Variants in FBF1 observed in about 807,000 individuals in gnomAD.
FBF1 encodes the protein Fas binding factor 1, also known as fas-binding factor 1.
A neutral mutation model predicts 147.2 loss-of-function variants in FBF1; 119 were observed. That is an observed-to-expected ratio of 0.81 (90% CI 0.70 to 0.94). The LOEUF is 0.94. FBF1 is among the 40% of genes least tolerant of loss of function. The pLI, the probability that FBF1 is intolerant of heterozygous loss-of-function variation, is 0.00. For missense variants in FBF1, 1,449 were observed against 1,500.8 expected (o/e 0.97, Z 0.57); for synonymous variants, 601 against 609.0 (o/e 0.99, Z 0.19).
chr17:75,922,939 G>A lies in FBF1; in HGVS notation c.1424+247C>T, dbSNP rs762657456. On this transcript the variant is annotated intron_variant, in intron 14 of 29. Coordinates refer to ENST00000636174, the MANE Select transcript of FBF1 (RefSeq NM_001319193.2). The surrounding 1 kb of genome is among the most constrained non-coding windows in gnomAD (Gnocchi z 5.0). ...TCAAGTTAGCACCTGTCCCCATGGCGGTCAGGGCATGAATGTCAACAGCCC... is the reference window on the plus strand; with the variant it reads ...TCAAGTTAGCACCTGTCCCCATGGCAGTCAGGGCATGAATGTCAACAGCCC... Among the ~76,000 whole-genome samples, 16 of 152,326 alleles carry A rather than the reference G, an allele frequency of 1.1e-4. No individual in the cohort carries two copies. Among genetic ancestry groups the A allele is most frequent in the East Asian group, 1.9e-4 (1 of 5,182 alleles).
rs749597595 is a variant in FBF1 at position 75,923,517 on chromosome 17, C to T, written c.1093G>A (p.Glu365Lys). Residue 365 changes from glutamate (E) to lysine (K), a missense_variant, in exon 14 of 30, where the codon GAG (glutamate) becomes AAG (lysine). Physicochemically the swap from Glu to Lys is moderately conservative, Grantham distance 56 (BLOSUM62 1). Coordinates refer to ENST00000636174, the MANE Select transcript of FBF1 (RefSeq NM_001319193.2). The surrounding 1 kb of genome is among the most constrained non-coding windows in gnomAD (Gnocchi z 4.1). ...GAGGCAGGGAACAGGTCCAAGTCCT[C>T]GTCCTTGAGGCCCAACCAGTCAGCT... ...GGADWLGLKD[E>K]DLDLFPASPT... 17 of 1,605,194 alleles carry T rather than the reference C, an allele frequency of 1.1e-5. No homozygotes were observed. In the East Asian group the frequency reaches 1.1e-4, roughly 11 times the overall value.
Position 75,917,849 on chromosome 17 carries a change from T to G in FBF1, c.2388A>C (p.Ala796=). Reference sequence around the variant, plus strand: ...GCTGCTGGCCCAGCCGCTCCTGCAGTGCTGGGGGCAACCCACAGGGTGCTC... The same window carrying G: ...GCTGCTGGCCCAGCCGCTCCTGCAGGGCTGGGGGCAACCCACAGGGTGCTC... ...GIRQRDEQLR[A]LQERLGQQQR... The change falls in exon 23 of 30, where the codon GCA becomes GCC. Residue 796 remains alanine, a splice_region_variant and synonymous_variant. Coordinates refer to ENST00000636174, the MANE Select transcript of FBF1 (RefSeq NM_001319193.2). The G allele has an allele frequency of 6.2e-7, 1 of 1,602,378 alleles. No individual in the cohort carries two copies. Among genetic ancestry groups the G allele is most frequent in the Non-Finnish European group, 8.5e-7 (1 of 1,175,970 alleles).
chr17:75,929,964 C>CAA, intron 7 of FBF1, 33 bp downstream of exon 7: 1 of 1,402,202 alleles, frequency 7.1e-7, no homozygotes, highest in Non-Finnish European at 9.9e-7. Context: ...CACCCACCCC[C>CAA]AGTTCTAAGA....
At position 75,910,658 on chromosome 17, in the gene FBF1, C is replaced by T. The variant is rs1189858191; in HGVS notation, c.*65G>A. ...TCCCCAGGCACTGCCTCCATGGAGG[C>T]AGCCGGAGGAACAGGACAGTTCTGG... is the stretch of plus-strand genomic sequence containing the variant. On this transcript the variant is annotated 3_prime_UTR_variant, in exon 30 of 30. Transcript: ENST00000636174. This position sits in a 1 kb window ranked among gnomAD's most constrained non-coding sequence, Gnocchi z 4.1. 9.7e-6 allele frequency: 14 copies of T among 1,441,790 alleles called. No homozygotes were observed. The highest frequency in any genetic ancestry group is 1.3e-5 in the Non-Finnish European group (14 of 1,048,420). 89.3% of individuals were successfully genotyped at this position (1,441,790 alleles called of 1,614,324 possible). A position where few individuals can be genotyped will look rare whatever the true frequency, so the allele number is the denominator to read the frequency against.
rs763953591 is a variant in FBF1, at chr17:75,923,425, G to A, written c.1185C>T (p.Ser395=). The change falls in exon 14 of 30, where the codon AGC becomes AGT. Residue 395 remains serine (S), a synonymous_variant. Transcript: ENST00000636174. The surrounding 1 kb of genome is among the most constrained non-coding windows in gnomAD (Gnocchi z 4.1). ...PVTPSVPPPA[S]QHSTPAGLPP... ...GCAGCCCAGCTGGCGTGGAGTGCTGGCTCGCAGGAGGAGGCACTGAGGGCG... is the reference window on the plus strand; with the variant it reads ...GCAGCCCAGCTGGCGTGGAGTGCTGACTCGCAGGAGGAGGCACTGAGGGCG... 6.2e-7 allele frequency: 1 copy of A among 1,608,144 alleles called. No homozygotes were observed. The highest frequency in any genetic ancestry group is 1.7e-5 in the Admixed American group (1 of 59,234).
chr17:75,928,306 G>T lies in FBF1; in HGVS notation c.280-113C>A. ...AGGTGTAGAATTGTGAGAAAACAAA[G>T]GAAAATGAGAAAACTGTTGAGAAAA... On this transcript the variant is annotated intron_variant, in intron 7 of 29. Transcript: ENST00000636174. This position sits in a 1 kb window ranked among gnomAD's most constrained non-coding sequence, Gnocchi z 4.2. 1 of 793,304 alleles carries T rather than the reference G, an allele frequency of 1.3e-6. No homozygotes were observed. 49.1% of individuals were successfully genotyped at this position (793,304 alleles called of 1,614,324 possible).
Position 75,918,658 on chromosome 17 carries a change from T to C in FBF1, c.2139-389A>G, listed in dbSNP as rs1279216552. The stretch of plus-strand genomic sequence containing the variant: ...GACTATAGGCGCTCACCACGCCTAA[T>C]TTTTTATATTTTAGTAGAGATGGGG... On this transcript the variant is annotated intron_variant, in intron 20 of 29. Coordinates refer to ENST00000636174, the MANE Select transcript of FBF1 (RefSeq NM_001319193.2). The surrounding 1 kb of genome is among the most constrained non-coding windows in gnomAD (Gnocchi z 5.8). Among the ~76,000 whole-genome samples, 2 of 151,944 alleles carry C rather than the reference T, an allele frequency of 1.3e-5. No homozygotes were observed. Among genetic ancestry groups the C allele is most frequent in the African/African-American group, 4.8e-5 (2 of 41,364 alleles).
chr17:75,917,633 G>C, intron 23 of FBF1, 99 bp downstream of exon 23: 2 of 1,104,076 alleles, frequency 1.8e-6, no homozygotes, highest in Non-Finnish European at 2.6e-6. Context: ...TTGACCTCCT[G>C]AGGAAGTGAG....
chr17:75,921,610 G>T, intron 15 of FBF1, 50 bp from the exon 16 acceptor site: 2 of 1,499,952 alleles, frequency 1.3e-6, no homozygotes, highest in Non-Finnish European at 9.2e-7. Context: ...GTGGGACACG[G>T]GGACGGGGCA....
At chr17:75,914,979 T>TGGCAGG (rs1221722652) in intron 24 of FBF1, 38 bp downstream of exon 24, 3 of 1,612,302 alleles carry the variant, frequency 1.9e-6, no homozygotes, top group East Asian at 2.2e-5. Context: ...CTGGGCATAA[T>TGGCAGG]GGCAGGGGCA....
At chr17:75,917,155 T>A (rs2065493738) in intron 23 of FBF1, among the ~76,000 whole-genome samples, 1 of 152,194 alleles carries the variant, frequency 6.6e-6, no homozygotes. Flanking sequence ...CATAAAAAAA[T>A]TTATTTATGG....
chr17:75,913,750 C>G lies in FBF1; in HGVS notation c.3199G>C (p.Val1067Leu), dbSNP rs1326577024. The G allele has an allele frequency of 1.2e-6, 2 of 1,603,066 alleles. No individual in the cohort carries two copies. The highest frequency in any genetic ancestry group is 1.1e-5 in the South Asian group (1 of 90,716). ...RARQDLPSSL[V>L]GLFPRAQGPA... is the part of the protein sequence containing the mutation. ...CCCTGGGCCCTGGGGAACAGACCCACGAGGCTAGAGGGCAGGTCCTGTCGT... is the reference window on the plus strand; with the variant it reads ...CCCTGGGCCCTGGGGAACAGACCCAGGAGGCTAGAGGGCAGGTCCTGTCGT... The change falls in exon 28 of 30, where the codon GTG (valine) becomes CTG (leucine). Residue 1067 changes from valine to leucine, a missense_variant. By Grantham distance (32) the Val-to-Leu change is conservative. Transcript: ENST00000636174.
rs3744013 is a variant in FBF1 at position 75,918,174 on chromosome 17, G to A, written c.2234C>T (p.Thr745Ile). ...DREVDAATSATSHTRSLNSII... is the reference protein window; with the variant it reads ...DREVDAATSAISHTRSLNSII... ...GCAGCGCACATACCGCGTGTGGGAG[G>A]TGGCACTGGTGGCCGCATCGACCTC... Residue 745 changes from threonine (T) to isoleucine (I), a missense_variant, in exon 21 of 30, where the codon ACC becomes ATC. Thr to Ile is a moderately conservative substitution (Grantham distance 89). Coordinates refer to ENST00000636174, the MANE Select transcript of FBF1 (RefSeq NM_001319193.2). The surrounding 1 kb of genome is among the most constrained non-coding windows in gnomAD (Gnocchi z 5.8). 8 of 1,613,410 alleles carry A rather than the reference G, an allele frequency of 5.0e-6. No individual in the cohort carries two copies. In the East Asian group the frequency reaches 1.8e-4, roughly 36 times the overall value.
intron 29 of FBF1, 21 bp downstream of exon 29, chr17:75,912,171 C>T: frequency 6.3e-7 from 1 of 1,587,306 alleles, no homozygotes; most frequent in Non-Finnish European, 8.6e-7. Context: ...ACAAGGATCC[C>T]CAAGGCCAGG....
In FBF1 at chr17:75,937,873, T is replaced by C. The variant is rs1039388548; in HGVS notation, c.3+274A>G. The C allele has an allele frequency of 4.1e-5, 26 of 626,876 alleles. No individual in the cohort carries two copies. The East Asian group carries it at 5.4e-4, about 13-fold the overall frequency. 38.8% of individuals were successfully genotyped at this position (626,876 alleles called of 1,614,324 possible). A position where few individuals can be genotyped will look rare whatever the true frequency, so the allele number is the denominator to read the frequency against. ...GCAAACCCTCCCAGCCGAGATGTCA[T>C]GTGACCGGAAATGTCTTCTATTCCG... On this transcript the variant is annotated intron_variant, in intron 2 of 29. Coordinates refer to ENST00000636174, the MANE Select transcript of FBF1 (RefSeq NM_001319193.2).
rs2065558662 is a variant in FBF1, at chr17:75,926,000, TCCTGTTGCGG to T, written c.868+20_868+29del. The T allele has an allele frequency of 6.3e-7, 1 of 1,584,652 alleles. No individual in the cohort carries two copies. Among genetic ancestry groups the T allele is most frequent in the Admixed American group, 1.8e-5 (1 of 56,634 alleles). ...GCCTGATCTAGAGGCCTCCCTCCCG[TCCTGTTGCGG>T]CCCCCGCAAGCCTCCTTACCCTGTG... On this transcript the variant is annotated intron_variant, in intron 12 of 29. Coordinates refer to ENST00000636174, the MANE Select transcript of FBF1 (RefSeq NM_001319193.2). This position sits in a 1 kb window ranked among gnomAD's most constrained non-coding sequence, Gnocchi z 5.0.
chr17:75,923,304 C>G lies in FBF1; in HGVS notation c.1306G>C (p.Asp436His). 6.3e-7 allele frequency: 1 copy of G among 1,594,214 alleles called. No homozygotes were observed. The highest frequency in any genetic ancestry group is 8.5e-7 in the Non-Finnish European group (1 of 1,170,798). ...KLRASKEEKE[D>H]WLSHALSRKK... ...CGAGACAGGGCATGGCTCAGCCAGT[C>G]CTCTTTCTCCTCCTTGGAGGCTCGC... Residue 436 changes from aspartate (D) to histidine (H), a missense_variant, in exon 14 of 30, where the codon GAC (aspartate) becomes CAC (histidine). Physicochemically the swap from Asp to His is moderately conservative, Grantham distance 81 (BLOSUM62 -1). Coordinates refer to ENST00000636174, the MANE Select transcript of FBF1 (RefSeq NM_001319193.2). The surrounding 1 kb of genome is among the most constrained non-coding windows in gnomAD (Gnocchi z 4.1).
intron 3 of FBF1, among the ~76,000 whole-genome samples, chr17:75,936,142 G>A (rs2065623500): frequency 6.6e-6 from 1 of 152,148 alleles, no homozygotes; most frequent in African/African-American, 2.4e-5. Flanking sequence ...GTGAAACCCT[G>A]TCTCTACTAA....
intron 6 of FBF1, chr17:75,930,265 G>A (rs1184417389): frequency 1.7e-6 from 1 of 583,138 alleles, no homozygotes; most frequent in Non-Finnish European, 3.1e-6. Flanking sequence ...GACTCAGAGA[G>A]CACTGCCATT....
Sources: allele counts gnomAD v4.1 joint callset (sites outside exome capture counted in the v4.1 genomes callset), GRCh38; gene constraint gnomAD v4.1.1; non-coding constraint Gnocchi (gnomAD v3.1); transcripts MANE v1.5; gene names NCBI Gene and HGNC (gene_info 2026-07-23, HGNC 2026-07-21).